Variants in PTPRS observed in about 807,000 individuals in gnomAD.
The protein encoded by PTPRS is protein tyrosine phosphatase receptor type S, also known as receptor-type tyrosine-protein phosphatase S.
PTPRS carries 63 observed loss-of-function variants against 215.3 expected under a neutral mutation model. The observed-to-expected ratio is 0.29, with a 90% confidence interval of 0.24 to 0.36. The LOEUF (loss-of-function observed/expected upper bound fraction) is 0.36, where lower values mean the gene tolerates loss of function less well. PTPRS is among the 10% of genes least tolerant of loss of function. The probability of loss-of-function intolerance (pLI) is 1.00; values close to 1 mark genes in which losing one functional copy is unlikely to be tolerated. For synonymous variants in PTPRS, 1,404 were observed against 1,191.4 expected, an observed-to-expected ratio of 1.18 and a Z score of -3.68; for missense variants, 2,258 against 2,825.8, an observed-to-expected ratio of 0.80 and a Z score of 4.56.
At chr19:5,298,824 A>T (rs1396181781) in intron 1 of PTPRS, among the ~76,000 whole-genome samples, 1 of 152,162 alleles carries the variant, frequency 6.6e-6, no homozygotes, top group Non-Finnish European at 1.5e-5. Context: ...CAGCAAAGCC[A>T]TTCCTCCCAT....
chr19:5,340,468 C>G (rs1040152634), intron 1 of PTPRS, among the ~76,000 whole-genome samples, 196 bp downstream of exon 1: 2 of 150,900 alleles, frequency 1.3e-5, no homozygotes, highest in Admixed American at 6.6e-5. Flanking sequence ...GGGCATTGTC[C>G]GGGCGCAGCT....
At chr19:5,227,811 G>A (rs2042634858) in intron 16 of PTPRS, among the ~76,000 whole-genome samples, 1 of 152,148 alleles carries the variant, frequency 6.6e-6, no homozygotes, top group Non-Finnish European at 1.5e-5. Context: ...GCACATAGTA[G>A]GTGCTCAATA....
Position 5,257,920 on chromosome 19 carries a change from G to A in PTPRS, c.706+97C>T. 9.6e-7 allele frequency: 1 copy of A among 1,040,058 alleles called. No individual in the cohort carries two copies. Among genetic ancestry groups the A allele is most frequent in the Non-Finnish European group, 1.4e-6 (1 of 699,442 alleles). The allele number at this position is 1,040,058 out of a possible 1,614,324, so 64.4% of individuals were successfully genotyped here. A position where few individuals can be genotyped will look rare whatever the true frequency, so the allele number is the denominator to read the frequency against. ...GGGAGGGGCCTTCCTGCTTGGGTGT[G>A]CAGGGGACGGGGGAGCCCGGAGGCG... On this transcript the variant is annotated intron_variant, in intron 8 of 37. Coordinates refer to ENST00000262963, the MANE Select transcript of PTPRS (RefSeq NM_002850.4). This position sits in a 1 kb window ranked among gnomAD's most constrained non-coding sequence, Gnocchi z 4.4.
chr19:5,312,060 G>T (rs1463997433), intron 1 of PTPRS, among the ~76,000 whole-genome samples: 2 of 151,496 alleles, frequency 1.3e-5, no homozygotes, highest in African/African-American at 2.4e-5. Flanking sequence ...AAAAAAGAAA[G>T]AAATACGCAT....
rs149948369 is a variant in PTPRS at position 5,241,672 on chromosome 19, G to A, written c.1571-1340C>T. Among the ~76,000 whole-genome samples the A allele has an allele frequency of 2.0e-5, 3 of 152,108 alleles. No individual in the cohort carries two copies. The East Asian group carries it at 5.8e-4, about 29-fold the overall frequency. Reference sequence around the variant, plus strand: ...CCAACCGTCCCGGCCCTTTGCTTCAGTGGGTGCCTGAGTCTGCCCAGACTT... The same window carrying A: ...CCAACCGTCCCGGCCCTTTGCTTCAATGGGTGCCTGAGTCTGCCCAGACTT... On this transcript the variant is annotated intron_variant, in intron 11 of 37. Transcript: ENST00000262963.
At chr19:5,315,398 C>G (rs1452292865) in intron 1 of PTPRS, among the ~76,000 whole-genome samples, 1 of 117,236 alleles carries the variant, frequency 8.5e-6, no homozygotes, top group East Asian at 2.8e-4. Context: ...GAGTCTCACT[C>G]CATCACCCAG....
chr19:5,223,266 C>G lies in PTPRS; in HGVS notation c.2526G>C (p.Gln842His). ...GTGCCAGCAGGCTGCCCTCGGGGGT[C>G]TGCTGCACCGACAGGGTTGGGCGGC... ...VLGRPTLSVQQTPEGSLLARW... is the reference protein window; with the variant it reads ...VLGRPTLSVQHTPEGSLLARW... Residue 842 changes from glutamine to histidine, a missense_variant, in exon 18 of 38, where the codon CAG becomes CAC. Gln to His is a conservative substitution (Grantham distance 24). Transcript: ENST00000262963. 1 of 1,471,282 alleles carries G rather than the reference C, an allele frequency of 6.8e-7. No homozygotes were observed. 91.1% of individuals were successfully genotyped at this position (1,471,282 alleles called of 1,614,324 possible). A position where few individuals can be genotyped will look rare whatever the true frequency, so the allele number is the denominator to read the frequency against.
At chr19:5,217,007 A>C (rs912458844) in intron 25 of PTPRS, among the ~76,000 whole-genome samples, 6 of 152,156 alleles carry the variant, frequency 3.9e-5, no homozygotes, top group Non-Finnish European at 8.8e-5. Flanking sequence ...AAGGACTCCA[A>C]AGTGCTAGGT....
rs533773023 is a variant in PTPRS at position 5,213,013 on chromosome 19, G to A, written c.4615-522C>T. 4.6e-5 allele frequency among the ~76,000 whole-genome samples: 7 copies of A among 152,244 alleles called. 1 individual carries two copies. The South Asian group carries it at 1.5e-3, about 32-fold the overall frequency. On this transcript the variant is annotated intron_variant, in intron 30 of 37. Transcript: ENST00000262963. ...CCAAACCTGCTCCCCCGTCTTAGCT[G>A]AAGGTGGCTCCAACCTTCTGGGCAC...
chr19:5,310,217 G>A lies in PTPRS; in HGVS notation c.-94-23983C>T, dbSNP rs568900048. 6.6e-5 allele frequency among the ~76,000 whole-genome samples: 10 copies of A among 152,128 alleles called. No individual in the cohort carries two copies. In the South Asian group the frequency reaches 2.1e-3, roughly 32 times the overall value. ...CAAACATCATTCTCTTATTCCTGTT[G>A]GTCTTACTGAAATGTCACCTCTTCT... is the stretch of plus-strand genomic sequence containing the variant. On this transcript the variant is annotated intron_variant, in intron 1 of 37. Coordinates refer to ENST00000262963, the MANE Select transcript of PTPRS (RefSeq NM_002850.4).
chr19:5,336,813 G>A (rs937921256), intron 1 of PTPRS, among the ~76,000 whole-genome samples: 1 of 151,986 alleles, frequency 6.6e-6, no homozygotes, highest in Non-Finnish European at 1.5e-5. Context: ...GGGTGGTGGG[G>A]GGGAGGGTCT....
chr19:5,303,915 C>T (rs2049382613), intron 1 of PTPRS, among the ~76,000 whole-genome samples: 1 of 99,784 alleles, frequency 1.0e-5, no homozygotes, highest in African/African-American at 4.8e-5. Flanking sequence ...CACACCACTG[C>T]ACTCCAGCCT....
intron 1 of PTPRS, among the ~76,000 whole-genome samples, chr19:5,297,497 C>A (rs1460448876): frequency 1.3e-5 from 2 of 152,184 alleles, no homozygotes; most frequent in African/African-American, 4.8e-5. Context: ...TTGGGGGGCA[C>A]AGACTAGTTG....
chr19:5,229,438 G>GGCCCGTCCCCGCCCGGA (rs1158177484), intron 15 of PTPRS, 53 bp downstream of exon 15: 5 of 1,369,726 alleles, frequency 3.7e-6, no homozygotes, highest in South Asian at 1.8e-5. Context: ...GGAGCGCAAG[G>GGCCCGTCCCCGCCCGGA]GCCCGTCCCC....
intron 12 of PTPRS, among the ~76,000 whole-genome samples, chr19:5,239,851 T>TA (rs1355146560): frequency 1.3e-5 from 2 of 148,574 alleles, no homozygotes; most frequent in African/African-American, 2.5e-5. Context: ...GACAGAGACA[T>TA]AAACAGACAG....
chr19:5,237,689 A>G lies in PTPRS; in HGVS notation c.1849+1230T>C, dbSNP rs1470171340. Among the ~76,000 whole-genome samples the G allele has an allele frequency of 6.6e-6, 1 of 151,778 alleles. No individual in the cohort carries two copies. The highest frequency in any genetic ancestry group is 1.5e-5 in the Non-Finnish European group (1 of 67,934). On this transcript the variant is annotated intron_variant, in intron 13 of 37. Transcript: ENST00000262963. The surrounding 1 kb of genome is among the most constrained non-coding windows in gnomAD (Gnocchi z 4.2). ...GTGAACCTGCTTGAGACCAGCGTGT[A>G]CTCACCTTCAGGACACCTCAGCCAG...
intron 17 of PTPRS, among the ~76,000 whole-genome samples, chr19:5,225,017 C>T (rs1008626338): frequency 1.6e-4 from 24 of 152,144 alleles, no homozygotes; most frequent in African/African-American, 4.8e-4. Flanking sequence ...CGCCCCACCC[C>T]CCAAGTCTTT....
intron 1 of PTPRS, among the ~76,000 whole-genome samples, chr19:5,303,145 C>A (rs1190118647): frequency 6.6e-6 from 1 of 152,118 alleles, no homozygotes; most frequent in East Asian, 1.9e-4. Flanking sequence ...AGCCCAAGTT[C>A]TCTTCCCAAG....
At chr19:5,262,390 G>A (rs1274887302) in intron 6 of PTPRS, among the ~76,000 whole-genome samples, 1 of 152,286 alleles carries the variant, frequency 6.6e-6, no homozygotes, top group Admixed American at 6.5e-5. Flanking sequence ...GAGAGATGAA[G>A]GGACTGATAG....
Sources: gnomAD v4.1 joint callset for allele counts (sites outside exome capture counted in the v4.1 genomes callset) on GRCh38, gnomAD v4.1.1 for gene constraint, Gnocchi (gnomAD v3.1) non-coding constraint, MANE v1.5 for transcripts, NCBI Gene and HGNC (gene_info 2026-07-23, HGNC 2026-07-21) for gene names.